Variants in PLCB1 observed in about 807,000 individuals in gnomAD.
PLCB1 encodes the protein phospholipase C beta 1.
Under a neutral mutation model 161.8 loss-of-function variants are expected in PLCB1, and 46 were observed. The ratio of observed to expected loss-of-function variants is 0.28; its 90% confidence interval spans 0.22 to 0.36. The LOEUF (loss-of-function observed/expected upper bound fraction) is 0.36. PLCB1 is among the 10% of genes least tolerant of loss of function. The pLI is 1.00. For missense variants in PLCB1, 1,016 were observed against 1,472.5 expected (o/e 0.69, Z 5.07); for synonymous variants, 517 against 503.7 (o/e 1.03, Z -0.35).
At chr20:8,278,979 A>T (rs540465723) in intron 2 of PLCB1, among the ~76,000 whole-genome samples, 1,658 of 120,650 alleles carry the variant, frequency 0.014, 20 homozygotes, top group Non-Finnish European at 0.02. Flanking sequence ...AGTGTTTTTT[A>T]AAAAAAAAAA....
chr20:8,180,334 G>A (rs1302897969), intron 2 of PLCB1, among the ~76,000 whole-genome samples: 1 of 152,142 alleles, frequency 6.6e-6, no homozygotes. Context: ...GCTTTTTGAT[G>A]TACTACTGAA....
rs112428204 is a variant in PLCB1, at chr20:8,543,085, A to C, written c.247-85209A>C. Among the ~76,000 whole-genome samples, 852 of 152,320 alleles carry C rather than the reference A, an allele frequency of 5.6e-3. 4 individuals are homozygous for C. Among genetic ancestry groups the C allele is most frequent in the African/African-American group, 0.019 (791 of 41,566 alleles). ...CAAAATACCTCCGTATTAGCAGTTT[A>C]TCGGAAATGCAGAATCTCAGGCCCC... On this transcript the variant is annotated intron_variant, in intron 3 of 31. Coordinates refer to ENST00000338037, the MANE Select transcript of PLCB1 (RefSeq NM_015192.4).
intron 2 of PLCB1, among the ~76,000 whole-genome samples, chr20:8,253,803 A>G (rs1320803083): frequency 6.6e-6 from 1 of 151,708 alleles, no homozygotes; most frequent in Non-Finnish European, 1.5e-5. Flanking sequence ...CCCAGTTTCT[A>G]TTGTTGCTAT....
At chr20:8,272,413 T>C (rs1385229313) in intron 2 of PLCB1, among the ~76,000 whole-genome samples, 1 of 152,024 alleles carries the variant, frequency 6.6e-6, no homozygotes, top group Non-Finnish European at 1.5e-5. Context: ...AATAAGGAGC[T>C]TTATTATGGT....
At chr20:8,842,817 A>C (rs1381799419) in intron 31 of PLCB1, among the ~76,000 whole-genome samples, 7 of 152,180 alleles carry the variant, frequency 4.6e-5, no homozygotes, top group African/African-American at 1.7e-4. Flanking sequence ...TAGATAACAC[A>C]AGCAGTTAGC....
At chr20:8,362,313 G>A (rs1391742091) in intron 2 of PLCB1, among the ~76,000 whole-genome samples, 1 of 152,010 alleles carries the variant, frequency 6.6e-6, no homozygotes, top group Non-Finnish European at 1.5e-5. Flanking sequence ...TAAAATGAAG[G>A]CAGTTACTAG....
chr20:8,233,040 G>T (rs1209576052), intron 2 of PLCB1, among the ~76,000 whole-genome samples: 1 of 152,154 alleles, frequency 6.6e-6, no homozygotes, highest in African/African-American at 2.4e-5. Flanking sequence ...CTTGGTCCTA[G>T]GCAGCTTTCA....
intron 2 of PLCB1, among the ~76,000 whole-genome samples, chr20:8,173,695 A>G (rs1033373047): frequency 2.0e-5 from 3 of 152,244 alleles, no homozygotes; most frequent in South Asian, 4.1e-4. Flanking sequence ...ATTATCTTAC[A>G]AGAATTTTAA....
At chr20:8,235,964 A>C (rs2123193571) in intron 2 of PLCB1, among the ~76,000 whole-genome samples, 1 of 152,280 alleles carries the variant, frequency 6.6e-6, no homozygotes, top group East Asian at 1.9e-4. Context: ...AAGTAGAAGC[A>C]CTATATTTCT....
intron 3 of PLCB1, among the ~76,000 whole-genome samples, chr20:8,513,397 A>G (rs1244328260): frequency 6.6e-6 from 1 of 152,250 alleles, no homozygotes; most frequent in Admixed American, 6.5e-5. Context: ...CTATGAAGTG[A>G]CAACACGACA....
At chr20:8,704,553 A>G (rs1428206626) in intron 11 of PLCB1, among the ~76,000 whole-genome samples, 2 of 152,220 alleles carry the variant, frequency 1.3e-5, no homozygotes, top group African/African-American at 2.4e-5. Context: ...ATCAAGTTTT[A>G]AGCTTTGCTT....
At chr20:8,797,319 G>C (rs892777227) in intron 31 of PLCB1, among the ~76,000 whole-genome samples, 4 of 151,844 alleles carry the variant, frequency 2.6e-5, no homozygotes, top group African/African-American at 9.7e-5. Context: ...GAGATGGCTA[G>C]ATGGATCACT....
intron 11 of PLCB1, among the ~76,000 whole-genome samples, chr20:8,706,912 C>G (rs915932142): frequency 3.3e-5 from 5 of 152,164 alleles, no homozygotes; most frequent in African/African-American, 1.2e-4. Context: ...GATTAGCAAA[C>G]CAATACACAG....
At chr20:8,604,469 A>G (rs1221690403) in intron 3 of PLCB1, among the ~76,000 whole-genome samples, 1 of 152,088 alleles carries the variant, frequency 6.6e-6, no homozygotes, top group Non-Finnish European at 1.5e-5. Context: ...ATGCATTCTA[A>G]TTATACAATT....
At chr20:8,746,313 A>G (rs1324264725) in intron 23 of PLCB1, among the ~76,000 whole-genome samples, 4 of 152,214 alleles carry the variant, frequency 2.6e-5, no homozygotes, top group Non-Finnish European at 4.4e-5. Flanking sequence ...GTGAAATATC[A>G]TAACACTTTT....
intron 3 of PLCB1, among the ~76,000 whole-genome samples, chr20:8,541,928 C>G (rs929636981): frequency 6.6e-6 from 1 of 152,158 alleles, no homozygotes; most frequent in Non-Finnish European, 1.5e-5. Context: ...GTGGTTTCAG[C>G]TAGCTGCAGA....
chr20:8,716,258 C>T lies in PLCB1; in HGVS notation c.1251-6C>T. 1.2e-6 allele frequency: 2 copies of T among 1,612,548 alleles called. No individual in the cohort carries two copies. The highest frequency in any genetic ancestry group is 1.7e-6 in the Non-Finnish European group (2 of 1,178,602). On this transcript the variant is annotated splice_region_variant and splice_polypyrimidine_tract_variant and intron_variant, in intron 12 of 31. Coordinates refer to ENST00000338037, the MANE Select transcript of PLCB1 (RefSeq NM_015192.4). ...CTTTCCTTCTTCTGTTCTTGTTCTC[C>T]CTTAGCCCAAAGCAGCAAGCCAAGA...
At chr20:8,427,699 T>A (rs1054932043) in intron 3 of PLCB1, among the ~76,000 whole-genome samples, 1 of 152,118 alleles carries the variant, frequency 6.6e-6, no homozygotes, top group Non-Finnish European at 1.5e-5. Context: ...AATTTGGGAT[T>A]CTTGATTGGT....
At chr20:8,355,122 T>C (rs1986321953) in intron 2 of PLCB1, among the ~76,000 whole-genome samples, 1 of 152,186 alleles carries the variant, frequency 6.6e-6, no homozygotes, top group Admixed American at 6.5e-5. Context: ...TACCATCTAT[T>C]AAATGGGGAT....
Sources: allele counts gnomAD v4.1 joint callset (sites outside exome capture counted in the v4.1 genomes callset), GRCh38; gene constraint gnomAD v4.1.1; transcripts MANE v1.5; gene names NCBI Gene and HGNC (gene_info 2026-07-23, HGNC 2026-07-21).